MMP16: variants seen among roughly 807,000 people sequenced by gnomAD.
MMP16 encodes the protein matrix metalloproteinase-16.
Under a neutral mutation model 67.8 loss-of-function variants are expected in MMP16, and 12 were observed. The ratio of observed to expected loss-of-function variants is 0.18; its 90% CI spans 0.11 to 0.29. MMP16 has a LOEUF of 0.29. MMP16 is among the 10% of genes least tolerant of loss of function. The pLI, the probability that MMP16 is intolerant of heterozygous loss-of-function variation, is 1.00. For synonymous variants in MMP16, 249 were observed against 255.9 expected (o/e 0.97, Z 0.26); for missense variants, 475 against 765.7 (o/e 0.62, Z 4.48).
At chr8:88,169,048 T>A (rs1808760185) in intron 3 of MMP16, among the ~76,000 whole-genome samples, 2 of 152,176 alleles carry the variant, frequency 1.3e-5, no homozygotes, top group South Asian at 4.1e-4. Context: ...GATACCATAT[T>A]CAGGTGAATA....
intron 4 of MMP16, among the ~76,000 whole-genome samples, chr8:88,127,333 T>C (rs1315094350): frequency 6.6e-6 from 1 of 151,788 alleles, no homozygotes; most frequent in African/African-American, 2.4e-5. Flanking sequence ...TATGATGCAA[T>C]ATGAAATGAT....
intron 2 of MMP16, among the ~76,000 whole-genome samples, chr8:88,191,425 A>C (rs1809167685): frequency 6.6e-6 from 1 of 152,198 alleles, no homozygotes; most frequent in Non-Finnish European, 1.5e-5. Flanking sequence ...TAATTCTAAT[A>C]ACTATTATTA....
intron 1 of MMP16, among the ~76,000 whole-genome samples, chr8:88,276,612 A>G (rs1180684420): frequency 6.6e-6 from 1 of 152,156 alleles, no homozygotes; most frequent in South Asian, 2.1e-4. Context: ...TAGGCTTTAC[A>G]ATACTAAAAT....
intron 1 of MMP16, among the ~76,000 whole-genome samples, chr8:88,308,149 G>A (rs1426469806): frequency 1.3e-5 from 2 of 151,966 alleles, no homozygotes; most frequent in African/African-American, 2.4e-5. Context: ...ATGCATTACT[G>A]GCCACAATTC....
intron 3 of MMP16, among the ~76,000 whole-genome samples, chr8:88,168,915 C>T (rs900967249): frequency 6.6e-6 from 1 of 151,582 alleles, no homozygotes; most frequent in Non-Finnish European, 1.5e-5. Flanking sequence ...ATTGTGTTGC[C>T]CTGACTGGCC....
intron 1 of MMP16, among the ~76,000 whole-genome samples, chr8:88,310,766 T>G (rs1484860859): frequency 6.6e-6 from 1 of 152,116 alleles, no homozygotes; most frequent in Non-Finnish European, 1.5e-5. Context: ...AATTCGCCCA[T>G]ATGCCCCCAG....
chr8:88,273,710 T>C (rs1810601535), intron 1 of MMP16, among the ~76,000 whole-genome samples: 1 of 152,208 alleles, frequency 6.6e-6, no homozygotes, highest in Non-Finnish European at 1.5e-5. Context: ...CATAGAATTG[T>C]TGCTGAGTGC....
intron 6 of MMP16, among the ~76,000 whole-genome samples, chr8:88,086,923 G>A (rs1808843377): frequency 6.6e-6 from 1 of 151,850 alleles, no homozygotes; most frequent in Admixed American, 6.6e-5. Flanking sequence ...CCCTGGAACA[G>A]TTCCCAGCAC....
intron 1 of MMP16, among the ~76,000 whole-genome samples, chr8:88,265,998 T>TA (rs1810471270): frequency 6.6e-6 from 1 of 152,214 alleles, no homozygotes; most frequent in Non-Finnish European, 1.5e-5. Context: ...TTGTCGATTA[T>TA]AAAATGAGAG....
intron 4 of MMP16, among the ~76,000 whole-genome samples, chr8:88,147,399 A>T (rs1435657640): frequency 6.6e-6 from 1 of 152,078 alleles, no homozygotes; most frequent in Admixed American, 6.5e-5. Flanking sequence ...TACACAGATT[A>T]CACATTGTTA....
intron 1 of MMP16, among the ~76,000 whole-genome samples, chr8:88,272,203 C>T (rs889756050): frequency 1.6e-4 from 25 of 152,100 alleles, no homozygotes; most frequent in South Asian, 6.2e-4. Flanking sequence ...TTATCATCCT[C>T]GTGGCTATAA....
At position 88,035,831 on chromosome 8, in the gene MMP16, A is replaced by G. The variant is rs1373623635; in HGVS notation, c.*5630T>C. On this transcript the variant is annotated 3_prime_UTR_variant, in exon 10 of 10. Coordinates refer to ENST00000286614, the MANE Select transcript of MMP16 (RefSeq NM_005941.5). The surrounding 1 kb of genome is among the most constrained non-coding windows in gnomAD (Gnocchi z 4.7). ...TGTTCATTCTTAGGCTTTCTATACT[A>G]TTGGTTTAACTTTCAAAGTAGACAT... 6.6e-6 allele frequency: 1 copy of G among 151,968 alleles called. No individual in the cohort carries two copies. Among genetic ancestry groups the G allele is most frequent in the African/African-American group, 2.4e-5 (1 of 41,438 alleles). The allele number at this position is 151,968 out of a possible 1,614,324, so 9.4% of individuals were successfully genotyped here. A position where few individuals can be genotyped will look rare whatever the true frequency, so the allele number is the denominator to read the frequency against.
At chr8:88,309,637 A>G (rs1374447311) in intron 1 of MMP16, among the ~76,000 whole-genome samples, 1 of 152,106 alleles carries the variant, frequency 6.6e-6, no homozygotes, top group African/African-American at 2.4e-5. Context: ...GTTAAACACA[A>G]AAGTGAAAAA....
intron 1 of MMP16, among the ~76,000 whole-genome samples, chr8:88,275,379 G>A (rs1176157353): frequency 2.0e-5 from 3 of 151,894 alleles, no homozygotes; most frequent in African/African-American, 7.2e-5. Flanking sequence ...CATCTTTTAA[G>A]ATTAAGATAA....
At chr8:88,148,416 C>A (rs1218761919) in intron 4 of MMP16, among the ~76,000 whole-genome samples, 1 of 152,162 alleles carries the variant, frequency 6.6e-6, no homozygotes, top group Non-Finnish European at 1.5e-5. Context: ...TGCATGATAG[C>A]CACCGGTGAA....
chr8:88,154,474 C>T (rs1159703587), intron 4 of MMP16, among the ~76,000 whole-genome samples: 4 of 147,738 alleles, frequency 2.7e-5, no homozygotes, highest in African/African-American at 1.0e-4. Flanking sequence ...ACCCAAATGT[C>T]CAACAATGAT....
intron 4 of MMP16, among the ~76,000 whole-genome samples, chr8:88,151,680 A>C (rs1171347054): frequency 7.9e-5 from 12 of 151,096 alleles, no homozygotes; most frequent in South Asian, 4.3e-4. Context: ...ACAAAGACAC[A>C]ACATACCAGA....
At chr8:88,317,773 C>G (rs897671775) in intron 1 of MMP16, among the ~76,000 whole-genome samples, 1 of 152,044 alleles carries the variant, frequency 6.6e-6, no homozygotes, top group African/African-American at 2.4e-5. Context: ...CAAGAACAAT[C>G]TTAGGGCCTG....
At chr8:88,248,669 C>A (rs938166591) in intron 1 of MMP16, among the ~76,000 whole-genome samples, 1 of 151,802 alleles carries the variant, frequency 6.6e-6, no homozygotes, top group East Asian at 1.9e-4. Context: ...TAATTTCTCA[C>A]ACATCTGATC....
Sources: gnomAD v4.1 joint callset for allele counts (sites outside exome capture counted in the v4.1 genomes callset) on GRCh38, gnomAD v4.1.1 for gene constraint, Gnocchi (gnomAD v3.1) non-coding constraint, MANE v1.5 for transcripts, NCBI Gene and HGNC (gene_info 2026-07-23, HGNC 2026-07-21) for gene names.